The following ADAMTS6 variants were observed in gnomAD, a reference collection of about 807,000 sequenced individuals.
ADAMTS6 encodes A disintegrin and metalloproteinase with thrombospondin motifs 6.
A neutral mutation model predicts 144.3 loss-of-function variants in ADAMTS6; 23 were observed. The ratio of observed to expected loss-of-function variants is 0.16; its 90% confidence interval spans 0.11 to 0.23. The LOEUF is 0.23. Ranked by LOEUF, ADAMTS6 falls within the 10% of genes least tolerant of loss-of-function variation. ADAMTS6 has a pLI of 1.00. For missense variants in ADAMTS6, 999 were observed against 1,379.6 expected (o/e 0.72, Z 4.37); for synonymous variants, 444 against 457.5 (o/e 0.97, Z 0.38).
At chr5:65,230,304 A>C (rs866040264) in intron 15 of ADAMTS6, among the ~76,000 whole-genome samples, 5 of 110,100 alleles carry the variant, frequency 4.5e-5, no homozygotes, top group Non-Finnish European at 9.2e-5. Context: ...ATATATATAT[A>C]TATATATGAA....
intron 3 of ADAMTS6, among the ~76,000 whole-genome samples, chr5:65,468,607 C>CA (rs1310319408): frequency 6.6e-6 from 1 of 152,102 alleles, no homozygotes; most frequent in African/African-American, 2.4e-5. Flanking sequence ...ATCAAATAAT[C>CA]AAACTTAGTT....
chr5:65,149,402 T>C lies in ADAMTS6; in HGVS notation c.*2434A>G, dbSNP rs1409122939. The stretch of plus-strand genomic sequence containing the variant: ...TTTCAATTCAAGGCTTACTTGAAAC[T>C]GTTTCATCCTGTTACATTCTGTGCG... On this transcript the variant is annotated 3_prime_UTR_variant, in exon 25 of 25. Transcript: ENST00000381055. The C allele has an allele frequency of 6.6e-6, 1 of 152,240 alleles. No homozygotes were observed. The highest frequency in any genetic ancestry group is 1.5e-5 in the Non-Finnish European group (1 of 68,040). The allele number at this position is 152,240 out of a possible 1,614,324, so 9.4% of individuals were successfully genotyped here. A position where few individuals can be genotyped will look rare whatever the true frequency, so the allele number is the denominator to read the frequency against.
rs143939334 is a variant in ADAMTS6, at chr5:65,246,713, G to A, written c.1831-4507C>T. ...TTCAGGGTGTTCACAGAATAGTATA[G>A]AGAATGGAAAGGCTTCAGGGAATTG... On this transcript the variant is annotated intron_variant, in intron 14 of 24. Transcript: ENST00000381055. Among the ~76,000 whole-genome samples, 846 of 152,274 alleles carry A rather than the reference G, an allele frequency of 5.6e-3. 10 individuals are homozygous for A. The highest frequency in any genetic ancestry group is 0.019 in the African/African-American group (794 of 41,568).
chr5:65,209,744 G>GA (rs1327341085), intron 20 of ADAMTS6, among the ~76,000 whole-genome samples: 2 of 152,176 alleles, frequency 1.3e-5, no homozygotes, highest in African/African-American at 2.4e-5. Context: ...GACTGCCACC[G>GA]AAAGTTCTTT....
chr5:65,306,536 C>T (rs1242189171), intron 9 of ADAMTS6, among the ~76,000 whole-genome samples: 1 of 152,220 alleles, frequency 6.6e-6, no homozygotes, highest in Non-Finnish European at 1.5e-5. Flanking sequence ...ATGCCTCAGA[C>T]ATCCCAGGGA....
At chr5:65,217,942 C>A (rs1177166462) in intron 18 of ADAMTS6, among the ~76,000 whole-genome samples, 1 of 152,084 alleles carries the variant, frequency 6.6e-6, no homozygotes, top group Non-Finnish European at 1.5e-5. Context: ...TTGACCAGAA[C>A]TGTGCAGAGA....
At chr5:65,339,617 A>G (rs969991495) in intron 7 of ADAMTS6, among the ~76,000 whole-genome samples, 2 of 152,016 alleles carry the variant, frequency 1.3e-5, no homozygotes, top group African/African-American at 4.8e-5. Flanking sequence ...AATCAGAACA[A>G]TTAACGATTT....
chr5:65,456,206 T>C (rs1376865931), intron 4 of ADAMTS6, among the ~76,000 whole-genome samples: 2 of 152,088 alleles, frequency 1.3e-5, no homozygotes, highest in African/African-American at 4.8e-5. Flanking sequence ...ACTATCTTTC[T>C]TAGTCTAAAA....
chr5:65,157,629 T>C (rs1051533543), intron 24 of ADAMTS6, among the ~76,000 whole-genome samples: 1 of 152,252 alleles, frequency 6.6e-6, no homozygotes, highest in Non-Finnish European at 1.5e-5. Context: ...CCTAAAGGTC[T>C]ATCTTTTGGA....
chr5:65,160,835 A>G (rs1318635478), intron 24 of ADAMTS6, among the ~76,000 whole-genome samples: 2 of 150,728 alleles, frequency 1.3e-5, no homozygotes, highest in African/African-American at 4.9e-5. Context: ...TATTTTTAGT[A>G]GAGACAGGGT....
intron 7 of ADAMTS6, among the ~76,000 whole-genome samples, chr5:65,444,784 T>G (rs907589965): frequency 2.6e-5 from 4 of 152,296 alleles, no homozygotes; most frequent in South Asian, 4.2e-4. Flanking sequence ...ACATTTTTTT[T>G]TTGTTGCATA....
At chr5:65,188,579 AAATGTTT>A (rs1754812848) in intron 21 of ADAMTS6, among the ~76,000 whole-genome samples, 1 of 152,196 alleles carries the variant, frequency 6.6e-6, no homozygotes, top group South Asian at 2.1e-4. Context: ...ATGCGCTAAT[AAATGTTT>A]AACCACTGGC....
chr5:65,201,144 C>T lies in ADAMTS6; in HGVS notation c.2576-3993G>A, dbSNP rs570719616. Among the ~76,000 whole-genome samples, 18 of 152,238 alleles carry T rather than the reference C, an allele frequency of 1.2e-4. No homozygotes were observed. In the East Asian group the frequency reaches 3.3e-3, roughly 28 times the overall value. ...GTACCAAAGGAAAAGGTGCAAGAAGCCCATCAAATGGCAAATGAGTCCTGG... is the reference window on the plus strand; with the variant it reads ...GTACCAAAGGAAAAGGTGCAAGAAGTCCATCAAATGGCAAATGAGTCCTGG... On this transcript the variant is annotated intron_variant, in intron 20 of 24. Transcript: ENST00000381055.
intron 7 of ADAMTS6, among the ~76,000 whole-genome samples, chr5:65,403,362 A>G (rs990952409): frequency 5.9e-5 from 9 of 152,022 alleles, no homozygotes; most frequent in African/African-American, 1.9e-4. Context: ...CTATCTATAT[A>G]ATTATGTCTC....
chr5:65,413,960 T>C (rs538129146), intron 7 of ADAMTS6, among the ~76,000 whole-genome samples: 5 of 152,278 alleles, frequency 3.3e-5, no homozygotes, highest in Non-Finnish European at 7.4e-5. Flanking sequence ...ATTGAATATG[T>C]TAAACTGAAC....
At chr5:65,395,408 A>G (rs1320403739) in intron 7 of ADAMTS6, among the ~76,000 whole-genome samples, 1 of 152,188 alleles carries the variant, frequency 6.6e-6, no homozygotes, top group Non-Finnish European at 1.5e-5. Context: ...TCTCAAATCC[A>G]CAGGAAATTT....
At chr5:65,238,204 C>G (rs1413777584) in intron 15 of ADAMTS6, among the ~76,000 whole-genome samples, 1 of 152,026 alleles carries the variant, frequency 6.6e-6, no homozygotes, top group Non-Finnish European at 1.5e-5. Flanking sequence ...AGGCCCAATC[C>G]AGTGCATTAA....
chr5:65,259,630 AAAT>A (rs1297409830), intron 14 of ADAMTS6, among the ~76,000 whole-genome samples: 1 of 152,218 alleles, frequency 6.6e-6, no homozygotes, highest in Non-Finnish European at 1.5e-5. Context: ...ATTCTAGAAA[AAAT>A]AATGTGAAGA....
At chr5:65,201,512 T>A (rs1395273232) in intron 20 of ADAMTS6, among the ~76,000 whole-genome samples, 1 of 152,072 alleles carries the variant, frequency 6.6e-6, no homozygotes, top group East Asian at 1.9e-4. Context: ...CCAAGAAGGA[T>A]GGGTCGGGGG....
Sources: allele counts gnomAD v4.1 joint callset (sites outside exome capture counted in the v4.1 genomes callset), GRCh38; gene constraint gnomAD v4.1.1; transcripts MANE v1.5; gene names NCBI Gene and HGNC (gene_info 2026-07-23, HGNC 2026-07-21).